Variants in G3BP2 observed in about 807,000 individuals in gnomAD.
G3BP2 encodes ras GTPase-activating protein-binding protein 2.
A neutral mutation model predicts 56.7 loss-of-function variants in G3BP2; 11 were observed. The observed-to-expected ratio is 0.19, with a 90% CI of 0.12 to 0.32. The LOEUF (loss-of-function observed/expected upper bound fraction) is 0.32, where lower values mean the gene tolerates loss of function less well. G3BP2 is among the 10% of genes least tolerant of loss of function. The probability of loss-of-function intolerance (pLI) is 1.00; values close to 1 mark genes in which losing one functional copy is unlikely to be tolerated. For missense variants in G3BP2, 340 were observed against 610.9 expected, an observed-to-expected ratio of 0.56 and a Z score of 4.67; for synonymous variants, 165 against 191.6, an observed-to-expected ratio of 0.86 and a Z score of 1.15.
At chr4:75,658,261 C>A (rs936010330) in intron 3 of G3BP2, among the ~76,000 whole-genome samples, 1 of 152,056 alleles carries the variant, frequency 6.6e-6, no homozygotes, top group Non-Finnish European at 1.5e-5. Context: ...ATAAAACATA[C>A]CATTTTCTCC....
At chr4:75,701,201 T>A (rs1238261352) in intron 3 of G3BP2, among the ~76,000 whole-genome samples, 1 of 152,008 alleles carries the variant, frequency 6.6e-6, no homozygotes, top group African/African-American at 2.4e-5. Flanking sequence ...CCCCCCCAAT[T>A]TGCAAAAAGG....
intron 3 of G3BP2, among the ~76,000 whole-genome samples, chr4:75,711,809 C>T (rs1560423319): frequency 6.6e-6 from 1 of 152,020 alleles, no homozygotes; most frequent in East Asian, 1.9e-4. Context: ...AATTCAGGCT[C>T]GGGCATCAGC....
At chr4:75,712,498 G>C (rs535258797) in intron 3 of G3BP2, among the ~76,000 whole-genome samples, 1 of 152,218 alleles carries the variant, frequency 6.6e-6, no homozygotes, top group East Asian at 1.9e-4. Flanking sequence ...TAAAATTCCA[G>C]TTCTTACAAC....
intron 3 of G3BP2, among the ~76,000 whole-genome samples, chr4:75,681,962 G>T (rs985445259): frequency 6.6e-6 from 1 of 152,150 alleles, no homozygotes; most frequent in Non-Finnish European, 1.5e-5. Flanking sequence ...GTGAAACTGG[G>T]ATAGTTGATC....
At chr4:75,647,194 A>T (rs769342685) in intron 9 of G3BP2, 37 bp from the exon 10 acceptor site, 1 of 1,407,908 alleles carries the variant, frequency 7.1e-7, no homozygotes, top group South Asian at 1.3e-5. Flanking sequence ...AAAGTTTACA[A>T]TATCATAAAA....
intron 1 of G3BP2, among the ~76,000 whole-genome samples, chr4:75,671,281 C>T (rs143221275): frequency 1.4e-3 from 217 of 152,156 alleles, no homozygotes; most frequent in Non-Finnish European, 2.6e-3. Flanking sequence ...TCCATATTCA[C>T]TCAAAATATG....
chr4:75,692,437 G>A (rs1718898610), intron 3 of G3BP2, among the ~76,000 whole-genome samples: 1 of 152,060 alleles, frequency 6.6e-6, no homozygotes, highest in African/African-American at 2.4e-5. Context: ...TAAGCCTCCT[G>A]AGTAGCTGGG....
chr4:75,720,840 T>TAAATAAATAAAA (rs1437096552), intron 3 of G3BP2, among the ~76,000 whole-genome samples: 33 of 135,658 alleles, frequency 2.4e-4, no homozygotes, highest in South Asian at 2.4e-3. Context: ...AATAAATAAA[T>TAAATAAATAAAA]AAAAATATTT....
intron 3 of G3BP2, among the ~76,000 whole-genome samples, chr4:75,716,585 G>A (rs527834899): frequency 1.0e-3 from 152 of 149,988 alleles, no homozygotes; most frequent in Non-Finnish European, 1.9e-3. Context: ...GCGCGATCTC[G>A]GCTCACCGCA....
chr4:75,722,805 A>G (rs1444878348), intron 1 of G3BP2, among the ~76,000 whole-genome samples: 1 of 152,306 alleles, frequency 6.6e-6, no homozygotes, highest in Admixed American at 6.5e-5. Context: ...GGAAACACAT[A>G]GCTTATGATG....
At chr4:75,680,983 A>AT (rs796407422) in intron 3 of G3BP2, among the ~76,000 whole-genome samples, 1 of 88,766 alleles carries the variant, frequency 1.1e-5, no homozygotes, top group Admixed American at 1.3e-4. Context: ...TAAATAAAAA[A>AT]TTAAAAAAAA....
chr4:75,718,028 A>C (rs1478876711), intron 3 of G3BP2, among the ~76,000 whole-genome samples: 1 of 151,972 alleles, frequency 6.6e-6, no homozygotes, highest in African/African-American at 2.4e-5. Context: ...AATCCCAGCT[A>C]CTTGGGAGGC....
At chr4:75,669,714 T>A (rs1733334671) in intron 1 of G3BP2, among the ~76,000 whole-genome samples, 1 of 152,242 alleles carries the variant, frequency 6.6e-6, no homozygotes, top group African/African-American at 2.4e-5. Flanking sequence ...TTCATTCCCA[T>A]CCACAAGCTG....
intron 3 of G3BP2, among the ~76,000 whole-genome samples, chr4:75,700,044 C>T (rs1337860685): frequency 6.6e-6 from 1 of 152,012 alleles, no homozygotes; most frequent in Non-Finnish European, 1.5e-5. Context: ...CACCAGTACT[C>T]AAGGATATAT....
At chr4:75,654,838 T>C in intron 7 of G3BP2, 1 of 504,728 alleles carries the variant, frequency 2.0e-6, no homozygotes, top group Non-Finnish European at 3.4e-6. Flanking sequence ...AAACAATGCA[T>C]ACAGACAAGG....
Position 75,657,680 on chromosome 4 carries a change from T to C in G3BP2, c.228A>G (p.Lys76=). 6.2e-7 allele frequency: 1 copy of C among 1,612,978 alleles called. No homozygotes were observed. Among genetic ancestry groups the C allele is most frequent in the South Asian group, 1.1e-5 (1 of 91,040 alleles). The change falls in exon 4 of 12, where the codon AAA becomes AAG. Residue 76 remains lysine, a synonymous_variant. Coordinates refer to ENST00000359707, the MANE Select transcript of G3BP2 (RefSeq NM_203505.3). The stretch of plus-strand genomic sequence containing the variant: ...TTGCATGAGCATCCACATGACGAAT[T>C]TTAGTATGACATTCACTGAAGTTCA... ...LSLNFSECHT[K]IRHVDAHATL...
In G3BP2 at chr4:75,724,431, C is replaced by T. The variant is rs539968908; in HGVS notation, c.-321G>A. On this transcript the variant is annotated 5_prime_UTR_variant, in exon 1 of 4. Coordinates refer to the G3BP2 transcript ENST00000499709. ...ATCCTCTCCAGCCTGCAGGGCCGGGCTTCCACCACGTGGGTGGCTGCGGCC... is the reference window on the plus strand; with the variant it reads ...ATCCTCTCCAGCCTGCAGGGCCGGGTTTCCACCACGTGGGTGGCTGCGGCC... 2.3e-5 allele frequency: 6 copies of T among 256,970 alleles called. No homozygotes were observed. The South Asian group carries it at 2.7e-4, about 11-fold the overall frequency. 15.9% of individuals were successfully genotyped at this position (256,970 alleles called of 1,614,324 possible).
At chr4:75,678,789 AT>A (rs1179827197) in intron 3 of G3BP2, among the ~76,000 whole-genome samples, 2 of 152,206 alleles carry the variant, frequency 1.3e-5, no homozygotes, top group African/African-American at 2.4e-5. Context: ...CATCTGTAAA[AT>A]GGGGACAATA....
chr4:75,648,079 G>A (rs947932876), intron 9 of G3BP2, among the ~76,000 whole-genome samples: 2 of 152,202 alleles, frequency 1.3e-5, no homozygotes, highest in South Asian at 4.1e-4. Flanking sequence ...GCCGGGCACA[G>A]TGGCTCATGC....
Sources: gnomAD v4.1 joint callset for allele counts (sites outside exome capture counted in the v4.1 genomes callset) on GRCh38, gnomAD v4.1.1 for gene constraint, MANE v1.5 for transcripts, NCBI Gene and HGNC (gene_info 2026-07-23, HGNC 2026-07-21) for gene names.